MYO1E: variants seen among roughly 807,000 people sequenced by gnomAD.
The protein encoded by MYO1E is myosin IE.
MYO1E carries 68 observed loss-of-function variants against 151.1 expected under a neutral mutation model. That is an observed-to-expected ratio of 0.45 (90% CI 0.37 to 0.55). MYO1E has a LOEUF of 0.55. Among genes scored for constraint, MYO1E ranks in the 20% least tolerant of loss-of-function variants. MYO1E has a pLI of 0.00. For synonymous variants in MYO1E, 601 were observed against 501.7 expected (o/e 1.20, Z -2.64); for missense variants, 1,363 against 1,389.3 (o/e 0.98, Z 0.30).
At chr15:59,266,728 A>T (rs4775143) in intron 2 of MYO1E, 1 of 148,576 alleles carries the variant, frequency 6.7e-6, no homozygotes, top group Non-Finnish European at 1.5e-5. Context: ...GTGGTGTGAT[A>T]TTGGCTCATT....
intron 1 of MYO1E, among the ~76,000 whole-genome samples, chr15:59,280,144 T>C (rs536761488): frequency 8.5e-5 from 13 of 152,326 alleles, no homozygotes; most frequent in Admixed American, 3.3e-4. Context: ...TTTTTAACAA[T>C]AGGCTCCCAG....
rs573625683 is a variant in MYO1E, at chr15:59,259,993, T to C, written c.237+1427A>G. The stretch of plus-strand genomic sequence containing the variant: ...GCATCCAGGGCTGTTTTATTATTGC[T>C]GCAAGTATAACATAGTACATGGCAC... On this transcript the variant is annotated intron_variant, in intron 3 of 27. Coordinates refer to ENST00000288235, the MANE Select transcript of MYO1E (RefSeq NM_004998.4). 4.1e-4 allele frequency among the ~76,000 whole-genome samples: 62 copies of C among 152,338 alleles called. 1 individual carries two copies. In the South Asian group the frequency reaches 0.012, roughly 29 times the overall value.
intron 4 of MYO1E, among the ~76,000 whole-genome samples, chr15:59,237,013 T>A (rs1228589198): frequency 6.6e-6 from 1 of 152,036 alleles, no homozygotes; most frequent in African/African-American, 2.4e-5. Context: ...ACAACTGACA[T>A]GAAGACTGTA....
At chr15:59,275,065 G>A (rs2080310081) in intron 1 of MYO1E, among the ~76,000 whole-genome samples, 1 of 152,192 alleles carries the variant, frequency 6.6e-6, no homozygotes, top group South Asian at 2.1e-4. Flanking sequence ...TGCCATATAG[G>A]AGGAAACTGA....
At chr15:59,185,316 G>T (rs1458032189) in intron 18 of MYO1E, among the ~76,000 whole-genome samples, 1 of 152,066 alleles carries the variant, frequency 6.6e-6, no homozygotes, top group Non-Finnish European at 1.5e-5. Context: ...CGCCCAGGCT[G>T]GAGTGCAATG....
At position 59,159,294 on chromosome 15, in the gene MYO1E, C is replaced by T. The variant is rs2079525184; in HGVS notation, c.2786-915G>A. Among the ~76,000 whole-genome samples, 1 of 152,250 alleles carries T rather than the reference C, an allele frequency of 6.6e-6. No homozygotes were observed. Among genetic ancestry groups the T allele is most frequent in the Non-Finnish European group, 1.5e-5 (1 of 68,034 alleles). On this transcript the variant is annotated intron_variant, in intron 24 of 27. Coordinates refer to ENST00000288235, the MANE Select transcript of MYO1E (RefSeq NM_004998.4). This position sits in a 1 kb window ranked among gnomAD's most constrained non-coding sequence, Gnocchi z 4.4. ...TCGCCACCCCAAATAAGATAGAATC[C>T]AACACCTATTGGGCAATTTCCCCTC...
At chr15:59,206,182 G>C (rs1350567920) in intron 14 of MYO1E, among the ~76,000 whole-genome samples, 1 of 152,154 alleles carries the variant, frequency 6.6e-6, no homozygotes, top group Non-Finnish European at 1.5e-5. Context: ...TCTGGGCCTT[G>C]ATTTATACTA....
intron 4 of MYO1E, among the ~76,000 whole-genome samples, chr15:59,242,909 A>T (rs1322227689): frequency 6.6e-6 from 1 of 152,156 alleles, no homozygotes; most frequent in African/African-American, 2.4e-5. Flanking sequence ...TGAACTCTTT[A>T]AAGCTGTAAA....
At chr15:59,363,386 CA>C (rs1191475488) in intron 1 of MYO1E, among the ~76,000 whole-genome samples, 1 of 152,220 alleles carries the variant, frequency 6.6e-6, no homozygotes, top group Non-Finnish European at 1.5e-5. Context: ...CTACTCATAA[CA>C]GACAATGTTC....
chr15:59,172,425 CA>C (rs768198410), intron 21 of MYO1E, among the ~76,000 whole-genome samples: 48 of 152,306 alleles, frequency 3.2e-4, no homozygotes, highest in Non-Finnish European at 4.9e-4. Flanking sequence ...GTTACCAGGA[CA>C]GGGGGAAGCT....
chr15:59,149,244 G>C (rs2079462081), intron 26 of MYO1E, among the ~76,000 whole-genome samples: 1 of 151,992 alleles, frequency 6.6e-6, no homozygotes. Context: ...TTTTAGTGGA[G>C]ACGGGGTTTC....
At position 59,357,313 on chromosome 15, in the gene MYO1E, G is replaced by A. The variant is rs76377247; in HGVS notation, c.3+15185C>T. Among the ~76,000 whole-genome samples, 179 of 152,154 alleles carry A rather than the reference G, an allele frequency of 1.2e-3. 3 individuals carry two copies. In the East Asian group the frequency reaches 0.027, roughly 23 times the overall value. ...GAGAGGCTGGGATACAAAGCTGAAC[G>A]AGAAAGGATTCTACCTGAAAAGTAA... On this transcript the variant is annotated intron_variant, in intron 1 of 27. Coordinates refer to ENST00000288235, the MANE Select transcript of MYO1E (RefSeq NM_004998.4).
chr15:59,176,107 G>A (rs1336251643), intron 19 of MYO1E, among the ~76,000 whole-genome samples: 1 of 152,126 alleles, frequency 6.6e-6, no homozygotes, highest in Admixed American at 6.5e-5. Flanking sequence ...CACCCAGGCT[G>A]GAGTGCAGTG....
intron 17 of MYO1E, 145 bp from the exon 18 acceptor site, chr15:59,188,361 T>A (rs1404115973): frequency 5.6e-6 from 4 of 716,836 alleles, no homozygotes; most frequent in Non-Finnish European, 1.0e-5. Flanking sequence ...AACACTGAGC[T>A]GACCTCTCAG....
chr15:59,179,473 C>T (rs2079645648), intron 18 of MYO1E, among the ~76,000 whole-genome samples: 4 of 152,174 alleles, frequency 2.6e-5, no homozygotes, highest in Admixed American at 1.3e-4. Flanking sequence ...ACACAGCAGT[C>T]ATAATGAACA....
At chr15:59,202,496 G>T in intron 15 of MYO1E, 89 bp from the exon 16 acceptor site, 2 of 1,173,866 alleles carry the variant, frequency 1.7e-6, no homozygotes, top group Non-Finnish European at 2.5e-6. Context: ...GTGAAGGGCC[G>T]TCCCCAGGCA....
At chr15:59,196,423 C>T (rs961180576) in intron 16 of MYO1E, among the ~76,000 whole-genome samples, 1 of 152,174 alleles carries the variant, frequency 6.6e-6, no homozygotes, top group African/African-American at 2.4e-5. Context: ...TGAGCACACC[C>T]TGTGGGTCCA....
rs1429074143 is a variant in MYO1E at position 59,352,894 on chromosome 15, C to A, written c.3+19604G>T. ...CTCTTTATCACCATGTAATCCTGTA[C>A]AATCACAAGCACTTCCGAAAACAGC... is the stretch of plus-strand genomic sequence containing the variant. On this transcript the variant is annotated intron_variant, in intron 1 of 27. Coordinates refer to ENST00000288235, the MANE Select transcript of MYO1E (RefSeq NM_004998.4). 2.0e-5 allele frequency among the ~76,000 whole-genome samples: 3 copies of A among 152,216 alleles called. No homozygotes were observed. In the East Asian group the frequency reaches 5.8e-4, roughly 29 times the overall value.
chr15:59,167,512 C>T (rs1213776041), intron 22 of MYO1E, among the ~76,000 whole-genome samples: 2 of 152,178 alleles, frequency 1.3e-5, no homozygotes, highest in African/African-American at 4.8e-5. Flanking sequence ...CAAGAAGCAA[C>T]TCTGGGAGGA....
Sources: gnomAD v4.1 joint callset for allele counts (sites outside exome capture counted in the v4.1 genomes callset) on GRCh38, gnomAD v4.1.1 for gene constraint, Gnocchi (gnomAD v3.1) non-coding constraint, MANE v1.5 for transcripts, NCBI Gene and HGNC (gene_info 2026-07-23, HGNC 2026-07-21) for gene names.